Variants in MTDH observed in about 807,000 individuals in gnomAD.
MTDH encodes metadherin, also known as protein LYRIC.
MTDH carries 34 observed loss-of-function variants against 72.7 expected under a neutral mutation model. The ratio of observed to expected loss-of-function variants is 0.47; its 90% CI spans 0.36 to 0.62. The LOEUF (loss-of-function observed/expected upper bound fraction) is 0.62, where lower values mean the gene tolerates loss of function less well. Among genes scored for constraint, MTDH ranks in the 20% least tolerant of loss-of-function variants. MTDH has a pLI of 0.00. For synonymous variants in MTDH, 266 were observed against 268.9 expected (o/e 0.99, Z 0.10); for missense variants, 677 against 699.4 (o/e 0.97, Z 0.36).
intron 2 of MTDH, among the ~76,000 whole-genome samples, chr8:97,663,877 T>A (rs1812272867): frequency 6.6e-6 from 1 of 152,156 alleles, no homozygotes; most frequent in African/African-American, 2.4e-5. Context: ...AATTTGAGGC[T>A]TATGTTACCT....
chr8:97,662,675 A>G (rs151075628), intron 2 of MTDH, among the ~76,000 whole-genome samples: 5,233 of 151,756 alleles, frequency 0.034, 281 homozygotes, highest in African/African-American at 0.12. Context: ...AATCCCAGCT[A>G]CTCGGGAGGC....
chr8:97,679,604 A>T (rs562184440), intron 2 of MTDH, among the ~76,000 whole-genome samples: 1 of 152,330 alleles, frequency 6.6e-6, no homozygotes, highest in African/African-American at 2.4e-5. Context: ...AAATGAATGC[A>T]TTTAGAAGAT....
intron 2 of MTDH, among the ~76,000 whole-genome samples, chr8:97,685,619 G>A (rs917390260): frequency 6.6e-6 from 1 of 151,944 alleles, no homozygotes; most frequent in Non-Finnish European, 1.5e-5. Flanking sequence ...AATTAGCCAG[G>A]CATGGTGGCA....
At chr8:97,665,264 G>A (rs1809720043) in intron 2 of MTDH, among the ~76,000 whole-genome samples, 1 of 152,130 alleles carries the variant, frequency 6.6e-6, no homozygotes, top group South Asian at 2.1e-4. Flanking sequence ...AGTTTGCCTA[G>A]AAACTGTATA....
intron 8 of MTDH, among the ~76,000 whole-genome samples, chr8:97,710,043 C>T (rs1814555276): frequency 6.6e-6 from 1 of 152,144 alleles, no homozygotes; most frequent in Admixed American, 6.6e-5. Flanking sequence ...CGTATCTATT[C>T]ATATGGCATT....
At chr8:97,699,101 C>T in intron 6 of MTDH, among the ~76,000 whole-genome samples, 1 of 152,076 alleles carries the variant, frequency 6.6e-6, no homozygotes, top group East Asian at 1.9e-4. Flanking sequence ...GCCTGGGCAA[C>T]ATGGTGTAAA....
At chr8:97,707,607 C>T (rs1170605279) in intron 8 of MTDH, among the ~76,000 whole-genome samples, 1 of 151,904 alleles carries the variant, frequency 6.6e-6, no homozygotes, top group Non-Finnish European at 1.5e-5. Flanking sequence ...TCTGATACAG[C>T]TAGTCAATTA....
chr8:97,724,569 TTTTCTTCG>T, intron 11 of MTDH, 23 bp from the exon 12 acceptor site: 6 of 1,507,696 alleles, frequency 4.0e-6, no homozygotes, highest in Non-Finnish European at 5.4e-6. Context: ...CTCCTAATTT[TTTTCTTCG>T]TTTTCCCCCT....
intron 4 of MTDH, among the ~76,000 whole-genome samples, 190 bp downstream of exon 4, chr8:97,687,795 A>G (rs1813427007): frequency 6.6e-6 from 1 of 152,208 alleles, no homozygotes; most frequent in Non-Finnish European, 1.5e-5. Context: ...CTTGTTACGT[A>G]TTGCCTAATG....
chr8:97,688,194 G>A (rs191338290), intron 4 of MTDH, among the ~76,000 whole-genome samples: 67 of 152,160 alleles, frequency 4.4e-4, no homozygotes, highest in Non-Finnish European at 2.1e-4. Flanking sequence ...TTAAATTACC[G>A]TCATTTTTAC....
rs767579715 is a variant in MTDH, at chr8:97,713,741, A to C, written c.1352A>C (p.Lys451Thr). The C allele has an allele frequency of 1.2e-6, 2 of 1,603,682 alleles. No homozygotes were observed. Among genetic ancestry groups the C allele is most frequent in the Non-Finnish European group, 1.7e-6 (2 of 1,174,918 alleles). ...KSKKKKKKKK[K>T]QGEDNSTAQD... is the part of the protein sequence containing the mutation. ...AAAAAGAAAAAAAAGAAAAAGAAGA[A>C]GCAAGGTGAAGATAACTCTACTGCA... The change falls in exon 9 of 12, where the codon AAG becomes ACG. Residue 451 changes from lysine (K) to threonine (T), a missense_variant. Lys to Thr is a moderately conservative substitution (Grantham distance 78). Transcript: ENST00000336273.
intron 2 of MTDH, among the ~76,000 whole-genome samples, chr8:97,683,047 T>A (rs924271716): frequency 1.5e-5 from 1 of 65,314 alleles, no homozygotes; most frequent in African/African-American, 1.8e-4. Flanking sequence ...CTTAGACACT[T>A]TTTTTTTTTT....
intron 9 of MTDH, 67 bp from the exon 10 acceptor site, chr8:97,718,982 C>A: frequency 6.9e-7 from 1 of 1,439,934 alleles, no homozygotes. Flanking sequence ...AGCCATACAC[C>A]ACCATAGATT....
At chr8:97,720,083 G>A (rs560807891) in intron 10 of MTDH, among the ~76,000 whole-genome samples, 2 of 151,942 alleles carry the variant, frequency 1.3e-5, no homozygotes, top group Admixed American at 6.6e-5. Flanking sequence ...TCAGGAGTTC[G>A]AGACCAGCCT....
intron 2 of MTDH, among the ~76,000 whole-genome samples, chr8:97,674,520 T>C (rs894404818): frequency 1.1e-4 from 17 of 152,172 alleles, no homozygotes; most frequent in Non-Finnish European, 5.9e-5. Flanking sequence ...GTATATATAT[T>C]TGGGACAAGT....
In MTDH at chr8:97,727,075, C is replaced by CA. The variant is rs879218277; in HGVS notation, c.*2419dup. ...TGGGCAACAGAAGGAGACTCCGTCT[C>CA]AAAAAAAAAAAAAAGATGGCAGCTA... On this transcript the variant is annotated 3_prime_UTR_variant, in exon 12 of 12. Transcript: ENST00000336273. 0.021 allele frequency: 2,070 copies of CA among 99,676 alleles called. 25 individuals carry two copies. Among genetic ancestry groups the CA allele is most frequent in the African/African-American group, 0.057 (1,589 of 27,922 alleles). The allele number at this position is 99,676 out of a possible 1,614,324, so 6.2% of individuals were successfully genotyped here.
At position 97,727,565 on chromosome 8, in the gene MTDH, T is replaced by C. The variant is rs1563578465; in HGVS notation, c.*2895T>C. ...CATCAACTCAGAAAGCACTAAAATC[T>C]AGGTGGTGATTCAGGGAGGAGCAGG... On this transcript the variant is annotated 3_prime_UTR_variant, in exon 12 of 12. Coordinates refer to ENST00000336273, the MANE Select transcript of MTDH (RefSeq NM_178812.4). The C allele has an allele frequency of 6.6e-6, 1 of 151,230 alleles. No homozygotes were observed. Among genetic ancestry groups the C allele is most frequent in the Non-Finnish European group, 1.5e-5 (1 of 67,940 alleles). The allele number at this position is 151,230 out of a possible 1,614,324, so 9.4% of individuals were successfully genotyped here.
chr8:97,664,081 C>T (rs1812283353), intron 2 of MTDH, among the ~76,000 whole-genome samples: 2 of 152,226 alleles, frequency 1.3e-5, no homozygotes, highest in South Asian at 2.1e-4. Context: ...GTTGGCCGGG[C>T]ACAATGGCTC....
intron 6 of MTDH, among the ~76,000 whole-genome samples, chr8:97,694,062 T>TA (rs1170728763): frequency 6.6e-6 from 1 of 152,200 alleles, no homozygotes; most frequent in Non-Finnish European, 1.5e-5. Context: ...GCATTAAACA[T>TA]ACGATTTTTT....
Sources: allele counts gnomAD v4.1 joint callset (sites outside exome capture counted in the v4.1 genomes callset), GRCh38; gene constraint gnomAD v4.1.1; transcripts MANE v1.5; gene names NCBI Gene and HGNC (gene_info 2026-07-23, HGNC 2026-07-21).